DLG2: variants seen among roughly 807,000 people sequenced by gnomAD.
The protein encoded by DLG2 is disks large homolog 2.
Under a neutral mutation model 132.5 loss-of-function variants are expected in DLG2, and 45 were observed. The observed-to-expected ratio is 0.34, with a 90% CI of 0.27 to 0.44. The LOEUF (loss-of-function observed/expected upper bound fraction) is 0.44, where lower values mean the gene tolerates loss of function less well. Ranked by LOEUF, DLG2 falls within the 20% of genes least tolerant of loss-of-function variation. The pLI is 1.00. For synonymous variants in DLG2, 424 were observed against 419.6 expected (o/e 1.01, Z -0.13); for missense variants, 1,045 against 1,196.9 (o/e 0.87, Z 1.87).
At chr11:84,933,899 T>C (rs1408838053) in intron 6 of DLG2, among the ~76,000 whole-genome samples, 2 of 152,200 alleles carry the variant, frequency 1.3e-5, no homozygotes, top group South Asian at 4.1e-4. Flanking sequence ...TAGTACTATG[T>C]TGAACAAGAG....
chr11:83,816,296 T>C (rs944922060), intron 17 of DLG2, among the ~76,000 whole-genome samples: 5 of 152,178 alleles, frequency 3.3e-5, no homozygotes, highest in African/African-American at 1.2e-4. Context: ...AGATCTTCTT[T>C]TAAGGAGCTG....
rs71066055 is a variant in DLG2 at position 83,605,007 on chromosome 11, CAGAGAG to C, written c.1940+28198_1940+28203del. 8.0e-4 allele frequency among the ~76,000 whole-genome samples: 104 copies of C among 129,920 alleles called. 1 individual carries two copies. The highest frequency in any genetic ancestry group is 1.3e-3 in the African/African-American group (46 of 34,114). 85.2% of individuals were successfully genotyped at this position (129,920 alleles called of 152,430 possible). On this transcript the variant is annotated intron_variant, in intron 19 of 27. Coordinates refer to ENST00000376104, the MANE Select transcript of DLG2 (RefSeq NM_001142699.3). ...TTTGAAATGGACCAGTTTTCAAAGACAGAGAGAGAGAGAGAGAGAGAGAGAGAGAGA... is the reference window on the plus strand; with the variant it reads ...TTTGAAATGGACCAGTTTTCAAAGACAGAGAGAGAGAGAGAGAGAGAGAGA...
rs560747039 is a variant in DLG2 at position 85,368,250 on chromosome 11, T to A, written c.41-82885A>T. Among the ~76,000 whole-genome samples, 3 of 152,350 alleles carry A rather than the reference T, an allele frequency of 2.0e-5. No homozygotes were observed. In the East Asian group the frequency reaches 5.8e-4, roughly 29 times the overall value. ...GTGAAAAGAGAAAATTATAAGCCCA[T>A]ATTCTTTAATTCAGCTAGAAATTGC... On this transcript the variant is annotated intron_variant, in intron 3 of 27. Transcript: ENST00000376104.
chr11:84,925,000 GA>G (rs1330368062), intron 6 of DLG2, among the ~76,000 whole-genome samples: 2 of 152,044 alleles, frequency 1.3e-5, no homozygotes, highest in Non-Finnish European at 2.9e-5. Context: ...CCTAATAAAT[GA>G]ACCCAAATAT....
chr11:83,930,217 T>G, intron 15 of DLG2, 111 bp downstream of exon 15: 10 of 1,203,908 alleles, frequency 8.3e-6, no homozygotes, highest in Non-Finnish European at 1.1e-5. Flanking sequence ...TCTCTCCACT[T>G]TGGGGAAGAT....
intron 24 of DLG2, among the ~76,000 whole-genome samples, chr11:83,470,795 T>C (rs1463073969): frequency 6.6e-6 from 1 of 152,190 alleles, no homozygotes; most frequent in Non-Finnish European, 1.5e-5. Context: ...ACTGGAATGT[T>C]AGAGACACTT....
chr11:85,041,672 T>A (rs1249744990), intron 6 of DLG2, among the ~76,000 whole-genome samples: 1 of 151,894 alleles, frequency 6.6e-6, no homozygotes, highest in East Asian at 1.9e-4. Flanking sequence ...AGTACAGTAG[T>A]GGTGATTAAG....
chr11:84,484,759 C>T (rs2099146669), intron 7 of DLG2, among the ~76,000 whole-genome samples: 2 of 152,058 alleles, frequency 1.3e-5, no homozygotes, highest in Admixed American at 1.3e-4. Flanking sequence ...AAAGGAAACT[C>T]TCCCATTTGA....
intron 7 of DLG2, among the ~76,000 whole-genome samples, chr11:84,303,152 A>G (rs143295425): frequency 9.5e-4 from 145 of 152,296 alleles, no homozygotes; most frequent in Middle Eastern, 3.4e-3. Flanking sequence ...AGTTGGAAAC[A>G]TATTTTTAAA....
At chr11:84,746,838 G>A (rs1346966084) in intron 6 of DLG2, among the ~76,000 whole-genome samples, 1 of 152,098 alleles carries the variant, frequency 6.6e-6, no homozygotes, top group African/African-American at 2.4e-5. Context: ...CTCTGCATGG[G>A]GATGGTGTAT....
chr11:85,352,760 G>A (rs1321217760), intron 3 of DLG2, among the ~76,000 whole-genome samples: 1 of 152,128 alleles, frequency 6.6e-6, no homozygotes, highest in Non-Finnish European at 1.5e-5. Context: ...TTAATAAATG[G>A]TGCTGGGAAA....
intron 6 of DLG2, among the ~76,000 whole-genome samples, chr11:84,847,611 T>C (rs2081639609): frequency 6.6e-6 from 1 of 152,102 alleles, no homozygotes; most frequent in Non-Finnish European, 1.5e-5. Context: ...CAGCAGAAGA[T>C]TCTCAAAGTA....
chr11:84,954,927 C>T (rs2051442363), intron 6 of DLG2, among the ~76,000 whole-genome samples: 2 of 152,102 alleles, frequency 1.3e-5, no homozygotes, highest in Admixed American at 1.3e-4. Context: ...GGTTGGCAAC[C>T]ATTTTCTGTA....
chr11:83,917,945 T>C (rs1385066748), intron 15 of DLG2, among the ~76,000 whole-genome samples: 1 of 152,176 alleles, frequency 6.6e-6, no homozygotes, highest in African/African-American at 2.4e-5. Flanking sequence ...TTAGGCATTA[T>C]GGGATGAAAG....
chr11:85,256,975 G>C (rs2076701985), intron 4 of DLG2, among the ~76,000 whole-genome samples: 1 of 152,132 alleles, frequency 6.6e-6, no homozygotes, highest in East Asian at 1.9e-4. Flanking sequence ...TAATTAAATA[G>C]ATTTTTAAAA....
intron 7 of DLG2, among the ~76,000 whole-genome samples, chr11:84,390,988 G>A (rs559199418): frequency 6.6e-6 from 1 of 152,204 alleles, no homozygotes; most frequent in East Asian, 1.9e-4. Flanking sequence ...TAAGAGTCAG[G>A]CCTGAAACTG....
intron 8 of DLG2, among the ~76,000 whole-genome samples, chr11:84,235,922 A>G (rs1164183079): frequency 6.6e-6 from 1 of 151,906 alleles, no homozygotes; most frequent in Non-Finnish European, 1.5e-5. Flanking sequence ...ATAAATTAAC[A>G]TATGTACAAA....
At chr11:84,502,318 CTT>C (rs1291685980) in intron 7 of DLG2, among the ~76,000 whole-genome samples, 12 of 9,206 alleles carry the variant, frequency 1.3e-3, no homozygotes, top group Non-Finnish European at 2.0e-3. Context: ...TTCTTTCTTT[CTT>C]TCTTTCTTTC....
chr11:85,476,327 A>T (rs1442266203), intron 3 of DLG2, among the ~76,000 whole-genome samples: 1 of 143,222 alleles, frequency 7.0e-6, no homozygotes, highest in East Asian at 2.0e-4. Context: ...GCTCTGGGTG[A>T]GTCAGTAAAG....
Sources: gnomAD v4.1 joint callset for allele counts (sites outside exome capture counted in the v4.1 genomes callset) on GRCh38, gnomAD v4.1.1 for gene constraint, MANE v1.5 for transcripts, NCBI Gene and HGNC (gene_info 2026-07-23, HGNC 2026-07-21) for gene names.